Variants in GTF3A observed in about 807,000 individuals in gnomAD.
GTF3A encodes transcription factor IIIA.
GTF3A carries 40 observed loss-of-function variants against 37.6 expected under a neutral mutation model. The ratio of observed to expected loss-of-function variants is 1.06; its 90% CI spans 0.83 to 1.38. The LOEUF (loss-of-function observed/expected upper bound fraction) is 1.38. Among genes scored for constraint, GTF3A ranks in the 40% most tolerant of loss-of-function variants. The pLI is 0.00. For synonymous variants in GTF3A, 191 were observed against 166.7 expected (o/e 1.15, Z -1.12); for missense variants, 500 against 462.6 (o/e 1.08, Z -0.74).
Position 27,424,698 on chromosome 13 carries a change from TG to T in GTF3A, c.-38del. 1 of 1,344,128 alleles carries T rather than the reference TG, an allele frequency of 7.4e-7. No individual in the cohort carries two copies. Among genetic ancestry groups the T allele is most frequent in the Non-Finnish European group, 9.6e-7 (1 of 1,044,698 alleles). The allele number at this position is 1,344,128 out of a possible 1,614,324, so 83.3% of individuals were successfully genotyped here. ...GGTTCCCGGCACGTGTCTCGGCACG[TG>T]GCAGCGCGCCTGGCCCTGGGCTTGG... is the stretch of plus-strand genomic sequence containing the variant. On this transcript the variant is annotated 5_prime_UTR_variant, in exon 1 of 9. Transcript: ENST00000381140.
intron 2 of GTF3A, among the ~76,000 whole-genome samples, chr13:27,428,072 C>T (rs540642482): frequency 6.6e-6 from 1 of 152,094 alleles, no homozygotes; most frequent in Non-Finnish European, 1.5e-5. Flanking sequence ...GCCAGGAGTT[C>T]AGGCTGGGCA....
At chr13:27,431,948 G>A (rs914538402) in intron 4 of GTF3A, among the ~76,000 whole-genome samples, 4 of 152,194 alleles carry the variant, frequency 2.6e-5, no homozygotes, top group African/African-American at 7.2e-5. Flanking sequence ...TTCTAGTTGT[G>A]GTTAAGCTTA....
At chr13:27,434,633 T>C (rs989894393) in intron 6 of GTF3A, 172 bp from the exon 7 acceptor site, 5 of 584,426 alleles carry the variant, frequency 8.6e-6, no homozygotes, top group South Asian at 2.3e-5. Context: ...CTTCAGAGAA[T>C]TGAGACAAAC....
At position 27,435,505 on chromosome 13, in the gene GTF3A, G is replaced by A; in HGVS notation, c.1006G>A (p.Gly336Arg). The A allele has an allele frequency of 6.2e-7, 1 of 1,613,342 alleles. No individual in the cohort carries two copies. The highest frequency in any genetic ancestry group is 2.2e-5 in the East Asian group (1 of 44,876). ...ATATATCCCTCCCAAAAGGAAACAA[G>A]GGCAAGGCTTATCTTTGTGTCAAAA... The change falls in exon 9 of 9, where the codon GGG (glycine) becomes AGG (arginine). Residue 336 changes from glycine (G) to arginine (R), a missense_variant. Gly to Arg is a moderately radical substitution (Grantham distance 125). Transcript: ENST00000381140.
At chr13:27,428,289 A>C (rs1457458209) in intron 2 of GTF3A, among the ~76,000 whole-genome samples, 1 of 152,010 alleles carries the variant, frequency 6.6e-6, no homozygotes, top group Non-Finnish European at 1.5e-5. Context: ...CATCCCTTGC[A>C]ACAGGTGGGT....
At position 27,424,776 on chromosome 13, in the gene GTF3A, C is replaced by G. The variant is rs1416531885; in HGVS notation, c.39C>G (p.Ser13=). 1.9e-6 allele frequency: 3 copies of G among 1,539,876 alleles called. No individual in the cohort carries two copies. The highest frequency in any genetic ancestry group is 2.8e-5 in the African/African-American group (2 of 71,976). ...CCGTGGTCGCCGAGTCGGTGTCGTC[C>G]TTGACCATCGCCGACGCGTTCATTG... Residue 13 remains serine (S), a synonymous_variant, in exon 1 of 9, where the codon TCC becomes TCG. Transcript: ENST00000381140.
chr13:27,434,143 T>C lies in GTF3A; in HGVS notation c.567T>C (p.Tyr189=), dbSNP rs763957915. The change falls in exon 6 of 9, where the codon TAT becomes TAC. Residue 189 remains tyrosine (Y), a synonymous_variant. Transcript: ENST00000381140. ...ATGCACCAATTTTTTTAATAGGCTA[T>C]GTATGTCAAAAAGGATGTTCCTTTG... 27 of 1,200,480 alleles carry C rather than the reference T, an allele frequency of 2.2e-5. No individual in the cohort carries two copies. The highest frequency in any genetic ancestry group is 3.8e-4 in the Middle Eastern group (2 of 5,240). 74.4% of individuals were successfully genotyped at this position (1,200,480 alleles called of 1,614,324 possible).
intron 4 of GTF3A, among the ~76,000 whole-genome samples, chr13:27,431,275 G>A (rs1001697488): frequency 2.0e-5 from 3 of 152,114 alleles, no homozygotes; most frequent in South Asian, 2.1e-4. Flanking sequence ...CTGTAGCCTC[G>A]TAGTATAATC....
In GTF3A at chr13:27,428,072, C is replaced by G. The variant is rs540642482; in HGVS notation, c.302+880C>G. ...GAGGATTGCTTTGAGGCCAGGAGTT[C>G]AGGCTGGGCAAGATGGTCAGGTCCA... On this transcript the variant is annotated intron_variant, in intron 2 of 8. Transcript: ENST00000381140. 1.6e-3 allele frequency among the ~76,000 whole-genome samples: 239 copies of G among 152,212 alleles called. 3 individuals carry two copies. The highest frequency in any genetic ancestry group is 5.6e-3 in the African/African-American group (233 of 41,530).
At chr13:27,428,978 T>C (rs1294457545) in intron 2 of GTF3A, among the ~76,000 whole-genome samples, 1 of 152,138 alleles carries the variant, frequency 6.6e-6, no homozygotes, top group Non-Finnish European at 1.5e-5. Context: ...GACTCAGCCA[T>C]GAGCCGCCCT....
chr13:27,428,629 G>C (rs945543426), intron 2 of GTF3A, among the ~76,000 whole-genome samples: 1 of 152,172 alleles, frequency 6.6e-6, no homozygotes, highest in Non-Finnish European at 1.5e-5. Context: ...CTTGGGTCTT[G>C]TCAGGACTCT....
chr13:27,435,315 T>G (rs571615788), intron 8 of GTF3A, 118 bp from the exon 9 acceptor site: 1 of 1,281,188 alleles, frequency 7.8e-7, no homozygotes, highest in East Asian at 2.3e-5. Flanking sequence ...GTTGAAGACT[T>G]TACTTCCTCA....
chr13:27,435,511 G>C lies in GTF3A; in HGVS notation c.1012G>C (p.Gly338Arg), dbSNP rs1593181874. ...CCCTCCCAAAAGGAAACAAGGGCAA[G>C]GCTTATCTTTGTGTCAAAACGGAGA... Residue 338 changes from glycine to arginine, a missense_variant, in exon 9 of 9, where the codon GGC (glycine) becomes CGC (arginine). Transcript: ENST00000381140. 6.2e-7 allele frequency: 1 copy of C among 1,613,452 alleles called. No homozygotes were observed. The highest frequency in any genetic ancestry group is 1.1e-5 in the South Asian group (1 of 91,044).
At chr13:27,426,192 A>C (rs1953604268) in intron 1 of GTF3A, 1 of 152,212 alleles carries the variant, frequency 6.6e-6, no homozygotes, top group Non-Finnish European at 1.5e-5. Flanking sequence ...TATTTTGGAT[A>C]CTGGCGCTAC....
chr13:27,427,068 A>C (rs767978982), intron 1 of GTF3A, 24 bp from the exon 2 acceptor site: 1 of 1,239,456 alleles, frequency 8.1e-7, no homozygotes, highest in Admixed American at 1.7e-5. Flanking sequence ...CAGAAGTGAC[A>C]TGCTTTTTCT....
intron 2 of GTF3A, 82 bp downstream of exon 2, chr13:27,427,274 C>T (rs1182366409): frequency 2.0e-5 from 15 of 734,246 alleles, no homozygotes; most frequent in African/African-American, 3.5e-5. Flanking sequence ...TGTTAACTCA[C>T]GAGATCAGGA....
intron 2 of GTF3A, chr13:27,429,336 G>T (rs990996694): frequency 2.7e-5 from 4 of 150,356 alleles, no homozygotes; most frequent in African/African-American, 9.8e-5. Context: ...CTTTGCAGAG[G>T]ATTTAGATCA....
At chr13:27,429,299 G>GAAAAAAAAAAA (rs71301411) in intron 2 of GTF3A, 2 of 117,040 alleles carry the variant, frequency 1.7e-5, no homozygotes, top group Non-Finnish European at 1.7e-5. Context: ...TTTCTTTTGG[G>GAAAAAAAAAAA]AAAAAAAAAA....
chr13:27,428,163 GCTCA>G (rs1351756702), intron 2 of GTF3A, among the ~76,000 whole-genome samples: 1 of 152,186 alleles, frequency 6.6e-6, no homozygotes, highest in Non-Finnish European at 1.5e-5. Context: ...GTCAAACTGA[GCTCA>G]CTTTTCTGTT....
Sources: gnomAD v4.1 joint callset for allele counts (sites outside exome capture counted in the v4.1 genomes callset) on GRCh38, gnomAD v4.1.1 for gene constraint, MANE v1.5 for transcripts, NCBI Gene and HGNC (gene_info 2026-07-23, HGNC 2026-07-21) for gene names.